RPF2: variants seen among roughly 807,000 people sequenced by gnomAD.
RPF2 encodes ribosome production factor 2 homolog.
In RPF2, 21 loss-of-function variants were observed where a neutral mutation model predicts 38.9. The ratio of observed to expected loss-of-function variants is 0.54; its 90% CI spans 0.38 to 0.78. The LOEUF is 0.78. RPF2 is among the 30% of genes least tolerant of loss of function. The pLI, the probability that RPF2 is intolerant of heterozygous loss-of-function variation, is 0.00. For synonymous variants in RPF2, 121 were observed against 126.2 expected (o/e 0.96, Z 0.28); for missense variants, 314 against 358.1 (o/e 0.88, Z 0.99).
chr6:111,010,924 A>G (rs1177731694), intron 7 of RPF2, among the ~76,000 whole-genome samples: 1 of 152,182 alleles, frequency 6.6e-6, no homozygotes, highest in African/African-American at 2.4e-5. Flanking sequence ...CGTATTAGTA[A>G]TAGCTACTTT....
intron 1 of RPF2, among the ~76,000 whole-genome samples, chr6:110,984,400 C>G (rs1291790173): frequency 6.6e-6 from 1 of 151,328 alleles, no homozygotes; most frequent in East Asian, 1.9e-4. Context: ...TTTACTTGAG[C>G]CTTTTATTTT....
intron 4 of RPF2, 151 bp from the exon 5 acceptor site, chr6:110,997,032 T>A: frequency 1.6e-6 from 1 of 608,936 alleles, no homozygotes; most frequent in East Asian, 3.0e-5. Context: ...AAACTCCTGA[T>A]CTCAAGTAAT....
In RPF2 at chr6:110,982,123, G is replaced by C. The variant is rs575020467; in HGVS notation, c.17G>C (p.Arg6Pro). The part of the protein sequence containing the change: MDTLD[R>P]VVKPKTKRAK... Reference sequence around the variant, plus strand: ...GCGGTAGCGATGGACACTCTGGATCGAGTAGTGTAAGTGCGCTGGGTCTCA... The same window carrying C: ...GCGGTAGCGATGGACACTCTGGATCCAGTAGTGTAAGTGCGCTGGGTCTCA... Residue 6 changes from arginine to proline, a missense_variant, in exon 1 of 10, where the codon CGA becomes CCA. Arg to Pro is a moderately radical substitution (Grantham distance 103, BLOSUM62 -2). Transcript: ENST00000441448. The C allele has an allele frequency of 6.4e-5, 103 of 1,614,204 alleles. No individual in the cohort carries two copies. In the South Asian group the frequency reaches 1.0e-3, roughly 16 times the overall value.
intron 4 of RPF2, among the ~76,000 whole-genome samples, chr6:110,993,346 T>C (rs1771653568): frequency 6.6e-6 from 1 of 152,158 alleles, no homozygotes; most frequent in Non-Finnish European, 1.5e-5. Flanking sequence ...GAAATTAATC[T>C]CAATGATAAA....
chr6:110,988,958 T>G, intron 2 of RPF2, 70 bp from the exon 3 acceptor site: 1 of 1,540,226 alleles, frequency 6.5e-7, no homozygotes, highest in African/African-American at 1.4e-5. Context: ...GTGACTGTTA[T>G]GATGCTTTAT....
chr6:111,005,815 T>C (rs1419582468), intron 6 of RPF2, among the ~76,000 whole-genome samples: 1 of 151,962 alleles, frequency 6.6e-6, no homozygotes, highest in Admixed American at 6.6e-5. Flanking sequence ...GTATTTGGTT[T>C]GTTTGTTATT....
chr6:111,013,291 C>T (rs1015308720), intron 7 of RPF2, among the ~76,000 whole-genome samples: 2 of 152,168 alleles, frequency 1.3e-5, no homozygotes, highest in Non-Finnish European at 2.9e-5. Flanking sequence ...GGATTCTTGC[C>T]AATGGTATTC....
intron 7 of RPF2, among the ~76,000 whole-genome samples, chr6:111,015,094 A>G (rs1772083855): frequency 6.6e-6 from 1 of 152,222 alleles, no homozygotes; most frequent in Admixed American, 6.5e-5. Context: ...TCTTTTTAAA[A>G]GGAAATTTTA....
chr6:110,985,273 A>G (rs2114286905), intron 2 of RPF2, 135 bp downstream of exon 2: 2 of 681,828 alleles, frequency 2.9e-6, no homozygotes, highest in East Asian at 5.6e-5. Context: ...AGAAGAGCTA[A>G]AGTTGGGGGT....
At chr6:111,012,442 G>A (rs1389910449) in intron 7 of RPF2, among the ~76,000 whole-genome samples, 2 of 152,050 alleles carry the variant, frequency 1.3e-5, no homozygotes, top group Non-Finnish European at 2.9e-5. Flanking sequence ...AAAGTTGGAG[G>A]TGTGAGCCAA....
At chr6:111,013,229 G>A (rs960658951) in intron 7 of RPF2, among the ~76,000 whole-genome samples, 1 of 152,120 alleles carries the variant, frequency 6.6e-6, no homozygotes, top group African/African-American at 2.4e-5. Flanking sequence ...AATGCTATAT[G>A]TCATTTATCA....
In RPF2 at chr6:111,025,689, C is replaced by A; in HGVS notation, c.*107C>A. On this transcript the variant is annotated 3_prime_UTR_variant, in exon 10 of 10. Coordinates refer to ENST00000441448, the MANE Select transcript of RPF2 (RefSeq NM_032194.3). ...AAGATCTTATTATATATTTTTATAACATGATAATTTTACGATATATTATTA... is the reference window on the plus strand; with the variant it reads ...AAGATCTTATTATATATTTTTATAAAATGATAATTTTACGATATATTATTA... The A allele has an allele frequency of 3.8e-6, 3 of 794,434 alleles. No homozygotes were observed. The South Asian group carries it at 6.8e-5, about 18-fold the overall frequency. 49.2% of individuals were successfully genotyped at this position (794,434 alleles called of 1,614,324 possible). A position where few individuals can be genotyped will look rare whatever the true frequency, so the allele number is the denominator to read the frequency against.
intron 7 of RPF2, among the ~76,000 whole-genome samples, chr6:111,015,219 T>C (rs1050790606): frequency 6.6e-6 from 1 of 152,216 alleles, no homozygotes; most frequent in African/African-American, 2.4e-5. Context: ...ATTACCACTT[T>C]GTGAGAAAAA....
At chr6:111,012,113 T>C (rs1382242484) in intron 7 of RPF2, among the ~76,000 whole-genome samples, 1 of 151,974 alleles carries the variant, frequency 6.6e-6, no homozygotes, top group East Asian at 1.9e-4. Context: ...AAAGTTAACT[T>C]TTTTTCATGC....
chr6:111,013,142 C>A (rs1321927570), intron 7 of RPF2, among the ~76,000 whole-genome samples: 1 of 152,174 alleles, frequency 6.6e-6, no homozygotes, highest in Non-Finnish European at 1.5e-5. Flanking sequence ...TACTGTTCTC[C>A]TTTTAATGTG....
rs1355591575 is a variant in RPF2, at chr6:110,999,745, T to G, written c.351T>G (p.Ile117Met). 1 of 1,602,024 alleles carries G rather than the reference T, an allele frequency of 6.2e-7. No homozygotes were observed. Residue 117 changes from isoleucine (I) to methionine (M), a missense_variant, in exon 6 of 10, where the codon ATT (isoleucine) becomes ATG (methionine). Physicochemically the swap from Ile to Met is conservative, Grantham distance 10. Transcript: ENST00000441448. ...ATGACTACCATGTGCTGGATATGAT[T>G]GAATTAGGTATTGAGAATTTTGTCT... ...RMYDYHVLDM[I>M]ELGIENFVSL...
chr6:111,017,730 TGGGCAGCC>T (rs1207448668), intron 8 of RPF2, among the ~76,000 whole-genome samples: 1 of 113,414 alleles, frequency 8.8e-6, no homozygotes, highest in Non-Finnish European at 1.8e-5. Context: ...CTTCCCAGAC[TGGGCAGCC>T]GGGCAGAGGG....
At chr6:110,982,225 C>A in intron 1 of RPF2, 96 bp downstream of exon 1, 1 of 1,391,048 alleles carries the variant, frequency 7.2e-7, no homozygotes, top group Non-Finnish European at 1.0e-6. Flanking sequence ...TCCTGGTTAC[C>A]CCTCTAATTA....
chr6:111,002,773 C>CTTT (rs35740019), intron 6 of RPF2, among the ~76,000 whole-genome samples: 77 of 148,434 alleles, frequency 5.2e-4, no homozygotes, highest in African/African-American at 1.5e-3. Context: ...ATTAGGCAGT[C>CTTT]TTTTTTTTTT....
Sources: allele counts gnomAD v4.1 joint callset (sites outside exome capture counted in the v4.1 genomes callset), GRCh38; gene constraint gnomAD v4.1.1; transcripts MANE v1.5; gene names NCBI Gene and HGNC (gene_info 2026-07-23, HGNC 2026-07-21).